WNK2: variants seen among roughly 807,000 people sequenced by gnomAD.
WNK2 encodes the protein serine/threonine-protein kinase WNK2.
A neutral mutation model predicts 192.1 loss-of-function variants in WNK2; 67 were observed. That is an observed-to-expected ratio of 0.35 (90% CI 0.29 to 0.43). WNK2 has a LOEUF of 0.43. WNK2 is among the 20% of genes least tolerant of loss of function. The pLI is 1.00. For synonymous variants in WNK2, 1,439 were observed against 1,393.9 expected (o/e 1.03, Z -0.72); for missense variants, 2,698 against 3,089.7 (o/e 0.87, Z 3.01).
chr9:93,284,615 G>A (rs980006000), intron 19 of WNK2, among the ~76,000 whole-genome samples: 4 of 151,820 alleles, frequency 2.6e-5, no homozygotes, highest in African/African-American at 9.7e-5. Context: ...GGGTGGGCAG[G>A]AAAGGAAGGG....
Position 93,315,411 on chromosome 9 carries a change from G to A in WNK2, c.6517-2109G>A, listed in dbSNP as rs577037830. ...GTTTTCCTCACAAAGTGATGCGGATGGCCTGCCGCTGTGGGCTCCGTCTTC... is the reference window on the plus strand; with the variant it reads ...GTTTTCCTCACAAAGTGATGCGGATAGCCTGCCGCTGTGGGCTCCGTCTTC... On this transcript the variant is annotated intron_variant, in intron 28 of 29. Coordinates refer to ENST00000427277, the MANE Select transcript of WNK2 (RefSeq NM_006648.4). 2 of 152,302 alleles carry A rather than the reference G, an allele frequency of 1.3e-5. 1 individual carries two copies. Among genetic ancestry groups the A allele is most frequent in the Non-Finnish European group, 2.9e-5 (2 of 68,028 alleles). The allele number at this position is 152,302 out of a possible 1,614,324, so 9.4% of individuals were successfully genotyped here.
intron 7 of WNK2, among the ~76,000 whole-genome samples, chr9:93,244,534 A>G (rs1415007724): frequency 2.6e-5 from 4 of 152,246 alleles, no homozygotes; most frequent in Non-Finnish European, 5.9e-5. Flanking sequence ...TCAAGGGAAA[A>G]TGGGCTGCGG....
Position 93,229,772 on chromosome 9 carries a change from A to G in WNK2, c.758A>G (p.Asn253Ser), listed in dbSNP as rs1170473849. Residue 253 changes from asparagine (N) to serine (S), a missense_variant, in exon 3 of 30, where the codon AAC becomes AGC. Asn to Ser is a conservative substitution (Grantham distance 46, BLOSUM62 1). Coordinates refer to ENST00000427277, the MANE Select transcript of WNK2 (RefSeq NM_006648.4). The surrounding 1 kb of genome is among the most constrained non-coding windows in gnomAD (Gnocchi z 4.9). Reference protein sequence around the residue: ...AEMLKGLQHPNIVRFYDFWES... With the variant: ...AEMLKGLQHPSIVRFYDFWES... Reference sequence around the variant, plus strand: ...ATGCTGAAAGGCCTGCAGCACCCCAACATCGTGCGCTTCTACGACTTCTGG... The same window carrying G: ...ATGCTGAAAGGCCTGCAGCACCCCAGCATCGTGCGCTTCTACGACTTCTGG... 1 of 1,613,880 alleles carries G rather than the reference A, an allele frequency of 6.2e-7. No individual in the cohort carries two copies. Among genetic ancestry groups the G allele is most frequent in the Non-Finnish European group, 8.5e-7 (1 of 1,179,858 alleles).
chr9:93,251,479 G>A (rs1382024937), intron 8 of WNK2, among the ~76,000 whole-genome samples: 1 of 152,138 alleles, frequency 6.6e-6, no homozygotes. Flanking sequence ...GGAGTCAAAG[G>A]TGCGTGGGTC....
chr9:93,228,139 C>T (rs2131969368), intron 2 of WNK2, among the ~76,000 whole-genome samples: 1 of 152,242 alleles, frequency 6.6e-6, no homozygotes, highest in African/African-American at 2.4e-5. Flanking sequence ...TATTGCCTGG[C>T]CCTGTGGTGA....
chr9:93,189,486 C>G (rs1400264042), intron 2 of WNK2, among the ~76,000 whole-genome samples: 1 of 152,288 alleles, frequency 6.6e-6, no homozygotes, highest in Middle Eastern at 3.4e-3. Context: ...TGCTTGGTGC[C>G]ACCCAGAGGG....
intron 7 of WNK2, 121 bp downstream of exon 7, chr9:93,240,097 G>A (rs1184839319): frequency 8.7e-6 from 9 of 1,037,150 alleles, no homozygotes; most frequent in African/African-American, 8.0e-5. Flanking sequence ...GCCAGTGGGT[G>A]TGGCGGTGCC....
At chr9:93,290,875 C>G (rs999387567) in intron 21 of WNK2, among the ~76,000 whole-genome samples, 1 of 152,226 alleles carries the variant, frequency 6.6e-6, no homozygotes, top group African/African-American at 2.4e-5. Flanking sequence ...AGTGTCCCTT[C>G]TAAGGGAGCC....
intron 26 of WNK2, among the ~76,000 whole-genome samples, chr9:93,301,709 C>T (rs978224850): frequency 3.9e-5 from 6 of 152,172 alleles, no homozygotes; most frequent in African/African-American, 9.7e-5. Context: ...CCTGCATGTG[C>T]GGCTCGATCT....
intron 16 of WNK2, 74 bp from the exon 17 acceptor site, chr9:93,267,672 C>T (rs914141958): frequency 1.0e-5 from 15 of 1,455,112 alleles, no homozygotes; most frequent in African/African-American, 8.5e-5. Context: ...GGTAGACATC[C>T]GTCAATCCAG....
chr9:93,272,018 TCCAGGGAAAA>T (rs1846068661), intron 19 of WNK2, among the ~76,000 whole-genome samples: 1 of 152,256 alleles, frequency 6.6e-6, no homozygotes, highest in African/African-American at 2.4e-5. Context: ...GAATTCTGTT[TCCAGGGAAAA>T]TACCCTTCAA....
At position 93,261,819 on chromosome 9, in the gene WNK2, G is replaced by A. The variant is rs369386728; in HGVS notation, c.3072G>A (p.Leu1024=). The A allele has an allele frequency of 1.0e-5, 16 of 1,586,716 alleles. No individual in the cohort carries two copies. In the African/African-American group the frequency reaches 1.1e-4, roughly 11 times the overall value. The part of the protein sequence containing the change: ...APAATPGSQI[L]LGHPAPYAVD... ...CTTGTCCCCTGTGCCCCCAGATTCTGCTTGGCCACCCAGCTCCCTATGCTG... is the reference window on the plus strand; with the variant it reads ...CTTGTCCCCTGTGCCCCCAGATTCTACTTGGCCACCCAGCTCCCTATGCTG... Residue 1024 remains leucine, a synonymous_variant, in exon 13 of 30, where the codon CTG becomes CTA. Coordinates refer to ENST00000427277, the MANE Select transcript of WNK2 (RefSeq NM_006648.4).
chr9:93,292,572 C>G lies in WNK2; in HGVS notation c.5107C>G (p.Pro1703Ala), dbSNP rs1588483434. The G allele has an allele frequency of 6.4e-7, 1 of 1,569,550 alleles. No homozygotes were observed. The highest frequency in any genetic ancestry group is 8.7e-7 in the Non-Finnish European group (1 of 1,155,822). ...AGAAGCTGGAGAAAGCTCGGCAGAG[C>G]CCCCGCCGAGTGACATGGGCACAGT... ...GGEAGESSAEPPPSDMGTVGG... is the reference protein window; with the variant it reads ...GGEAGESSAEAPPSDMGTVGG... The change falls in exon 23 of 30, where the codon CCC becomes GCC. Residue 1703 changes from proline (P) to alanine (A), a missense_variant. Transcript: ENST00000427277.
At chr9:93,221,550 A>G (rs1240554583) in intron 2 of WNK2, among the ~76,000 whole-genome samples, 14 of 152,212 alleles carry the variant, frequency 9.2e-5, no homozygotes. Context: ...GGACACCCCA[A>G]GTAATTGGCA....
intron 29 of WNK2, chr9:93,318,889 C>T: frequency 7.1e-7 from 1 of 1,401,134 alleles, no homozygotes; most frequent in Non-Finnish European, 9.2e-7. Flanking sequence ...CTTGGGACTG[C>T]CCAGCTGTGA....
At position 93,259,331 on chromosome 9, in the gene WNK2, C is replaced by A. The variant is rs368860360; in HGVS notation, c.2783C>A (p.Pro928His). The change falls in exon 12 of 30, where the codon CCC becomes CAC. Residue 928 changes from proline to histidine, a missense_variant. Physicochemically the swap from Pro to His is moderately conservative, Grantham distance 77 (BLOSUM62 -2). This residue lies in a region of WNK2 where 893 missense variants were observed against 909.0 expected (regional missense o/e 0.98). Transcript: ENST00000427277. This position sits in a 1 kb window ranked among gnomAD's most constrained non-coding sequence, Gnocchi z 4.8. ...QMAPTDVPPS[P>H]HHTVQNMRAT... Reference sequence around the variant, plus strand: ...GCGCCTACTGACGTCCCTCCTTCCCCCCATCACACGGTGCAGAATATGAGG... The same window carrying A: ...GCGCCTACTGACGTCCCTCCTTCCCACCATCACACGGTGCAGAATATGAGG... 2 of 1,613,476 alleles carry A rather than the reference C, an allele frequency of 1.2e-6. No homozygotes were observed. Among genetic ancestry groups the A allele is most frequent in the African/African-American group, 1.3e-5 (1 of 74,872 alleles).
chr9:93,317,282 C>T, intron 28 of WNK2: 2 of 588,812 alleles, frequency 3.4e-6, no homozygotes, highest in South Asian at 4.0e-5. Context: ...GGTGGACACC[C>T]AGGTGTGTGG....
At chr9:93,311,673 T>A (rs1853683426) in intron 28 of WNK2, among the ~76,000 whole-genome samples, 1 of 151,592 alleles carries the variant, frequency 6.6e-6, no homozygotes, top group Non-Finnish European at 1.5e-5. Flanking sequence ...TTGCCCAGGC[T>A]GGAGTGCAAT....
intron 28 of WNK2, chr9:93,309,173 T>G: frequency 1.0e-6 from 1 of 970,948 alleles, no homozygotes; most frequent in Non-Finnish European, 1.2e-6. Context: ...CTCAAATATT[T>G]AGTAAAGGTC....
Sources: allele counts gnomAD v4.1 joint callset (sites outside exome capture counted in the v4.1 genomes callset), GRCh38; gene constraint gnomAD v4.1.1; regional missense constraint gnomAD v4.1.1; non-coding constraint Gnocchi (gnomAD v3.1); transcripts MANE v1.5; gene names NCBI Gene and HGNC (gene_info 2026-07-23, HGNC 2026-07-21).